The following CPNE8 variants were observed in gnomAD, a reference collection of about 807,000 sequenced individuals.
The protein encoded by CPNE8 is copine-8.
CPNE8 carries 45 observed loss-of-function variants against 81.5 expected under a neutral mutation model. That is an observed-to-expected ratio of 0.55 (90% CI 0.44 to 0.71). The LOEUF (loss-of-function observed/expected upper bound fraction) is 0.71. CPNE8 is among the 30% of genes least tolerant of loss of function. The probability of loss-of-function intolerance (pLI) is 0.00; values close to 1 mark genes in which losing one functional copy is unlikely to be tolerated. For missense variants in CPNE8, 594 were observed against 672.1 expected (o/e 0.88, Z 1.28); for synonymous variants, 252 against 226.3 (o/e 1.11, Z -1.02).
intron 6 of CPNE8, among the ~76,000 whole-genome samples, chr12:38,795,392 G>C (rs1433318145): frequency 6.6e-6 from 1 of 152,102 alleles, no homozygotes; most frequent in Non-Finnish European, 1.5e-5. Flanking sequence ...CAAAATAATT[G>C]AAAGCAGGGT....
At chr12:38,905,798 G>T, upstream of CPNE8, 1 of 985,376 alleles carries the variant, frequency 1.0e-6, no homozygotes, top group Non-Finnish European at 1.2e-6. Context: ...CCTTCCGGCA[G>T]GCAGCAGCCC....
intron 13 of CPNE8, among the ~76,000 whole-genome samples, chr12:38,709,439 G>A (rs1277390156): frequency 6.6e-6 from 1 of 152,202 alleles, no homozygotes; most frequent in Non-Finnish European, 1.5e-5. Flanking sequence ...GGCAGGTTGT[G>A]AGATGCACAA....
At chr12:38,870,638 G>A (rs1211678180) in intron 3 of CPNE8, among the ~76,000 whole-genome samples, 1 of 152,018 alleles carries the variant, frequency 6.6e-6, no homozygotes, top group African/African-American at 2.4e-5. Context: ...ACCGGGGCCT[G>A]TCGGCGGGTG....
chr12:38,785,826 G>A (rs760580285), intron 6 of CPNE8, among the ~76,000 whole-genome samples: 2 of 152,050 alleles, frequency 1.3e-5, no homozygotes, highest in African/African-American at 2.4e-5. Flanking sequence ...TGCAAACAGT[G>A]TTAAGTTGTT....
intron 6 of CPNE8, among the ~76,000 whole-genome samples, chr12:38,783,336 C>T (rs1190187361): frequency 1.3e-5 from 2 of 152,174 alleles, no homozygotes; most frequent in Non-Finnish European, 2.9e-5. Flanking sequence ...CTCACAGTAC[C>T]TGGCTTTAAC....
intron 7 of CPNE8, among the ~76,000 whole-genome samples, chr12:38,772,195 G>C (rs1321114682): frequency 6.6e-6 from 1 of 152,112 alleles, no homozygotes; most frequent in Non-Finnish European, 1.5e-5. Context: ...GAAACAGTAT[G>C]AAAGCCCTTA....
intron 16 of CPNE8, among the ~76,000 whole-genome samples, chr12:38,680,331 G>A (rs1939381615): frequency 6.6e-6 from 1 of 151,910 alleles, no homozygotes; most frequent in Admixed American, 6.6e-5. Context: ...TTGCAAAATG[G>A]ATTAAAACTT....
chr12:38,765,746 T>A (rs932647049), intron 8 of CPNE8, among the ~76,000 whole-genome samples: 1 of 152,208 alleles, frequency 6.6e-6, no homozygotes, highest in African/African-American at 2.4e-5. Flanking sequence ...TGAAAAGTTT[T>A]CTGAAATGAG....
chr12:38,797,597 G>T (rs1784725280), intron 6 of CPNE8, among the ~76,000 whole-genome samples: 1 of 152,014 alleles, frequency 6.6e-6, no homozygotes, highest in South Asian at 2.1e-4. Context: ...CAAAGATGGG[G>T]AAAAAACAGA....
chr12:38,670,867 A>G (rs1939159871), intron 18 of CPNE8, 65 bp from the exon 19 acceptor site: 1 of 1,195,412 alleles, frequency 8.4e-7, no homozygotes, highest in African/African-American at 1.5e-5. Context: ...AATGTGGACA[A>G]CAAGGAAATC....
intron 13 of CPNE8, among the ~76,000 whole-genome samples, chr12:38,704,335 G>A (rs996964811): frequency 3.9e-5 from 6 of 152,120 alleles, no homozygotes; most frequent in Non-Finnish European, 8.8e-5. Context: ...GTCTCCCATT[G>A]CTTACAGCAT....
At chr12:38,668,366 T>C (rs1939104182) in intron 19 of CPNE8, among the ~76,000 whole-genome samples, 1 of 152,178 alleles carries the variant, frequency 6.6e-6, no homozygotes, top group African/African-American at 2.4e-5. Context: ...ATGTAGTATA[T>C]CTATTGATTG....
intron 19 of CPNE8, among the ~76,000 whole-genome samples, chr12:38,662,286 C>G (rs1416033159): frequency 2.0e-5 from 3 of 152,048 alleles, no homozygotes; most frequent in South Asian, 2.1e-4. Context: ...ACTGTCGGAA[C>G]TAATAAGTGA....
intron 13 of CPNE8, among the ~76,000 whole-genome samples, chr12:38,712,707 C>G (rs376647659): frequency 6.6e-6 from 1 of 152,110 alleles, no homozygotes; most frequent in Admixed American, 6.5e-5. Flanking sequence ...AGGTAGATAG[C>G]TCTTTAAAAA....
At chr12:38,851,113 G>A (rs10876163) in intron 3 of CPNE8, among the ~76,000 whole-genome samples, 36,371 of 152,112 alleles carry the variant, frequency 0.24, 5,480 homozygotes, top group Non-Finnish European at 0.33. Flanking sequence ...CCAGACTTCA[G>A]AACTGTGAGA....
At chr12:38,807,138 G>C (rs144767418) in intron 6 of CPNE8, among the ~76,000 whole-genome samples, 2 of 151,838 alleles carry the variant, frequency 1.3e-5, no homozygotes, top group Non-Finnish European at 2.9e-5. Flanking sequence ...CATGCTCATG[G>C]GTAGGAAGAA....
At chr12:38,838,152 T>C (rs1474403286) in intron 5 of CPNE8, among the ~76,000 whole-genome samples, 1 of 152,272 alleles carries the variant, frequency 6.6e-6, no homozygotes, top group East Asian at 1.9e-4. Context: ...CTGCCAGTTA[T>C]TACGCCCTTT....
At chr12:38,751,389 T>C (rs1941350753) in intron 10 of CPNE8, among the ~76,000 whole-genome samples, 1 of 152,206 alleles carries the variant, frequency 6.6e-6, no homozygotes, top group African/African-American at 2.4e-5. Flanking sequence ...CTTCTTATTA[T>C]TGTACTAGAG....
chr12:38,667,132 A>G (rs1366690917), intron 19 of CPNE8, among the ~76,000 whole-genome samples: 1 of 152,174 alleles, frequency 6.6e-6, no homozygotes, highest in Non-Finnish European at 1.5e-5. Flanking sequence ...TGTCCACTTG[A>G]GAAATGTGGA....
Sources: allele counts gnomAD v4.1 joint callset (sites outside exome capture counted in the v4.1 genomes callset), GRCh38; gene constraint gnomAD v4.1.1; transcripts MANE v1.5; gene names NCBI Gene and HGNC (gene_info 2026-07-23, HGNC 2026-07-21).